Variants in TMEM135 observed in about 807,000 individuals in gnomAD.
The protein encoded by TMEM135 is transmembrane protein 135, also known as peroxisomal membrane protein 52.
A neutral mutation model predicts 60.3 loss-of-function variants in TMEM135; 30 were observed. The observed-to-expected ratio is 0.50, with a 90% confidence interval of 0.37 to 0.68. The LOEUF (loss-of-function observed/expected upper bound fraction) is 0.68. Ranked by LOEUF, TMEM135 falls within the 30% of genes least tolerant of loss-of-function variation. The pLI, the probability that TMEM135 is intolerant of heterozygous loss-of-function variation, is 0.00. For missense variants in TMEM135, 468 were observed against 548.8 expected (o/e 0.85, Z 1.47); for synonymous variants, 190 against 186.7 (o/e 1.02, Z -0.14).
chr11:87,316,719 A>G (rs1042644184), intron 12 of TMEM135, among the ~76,000 whole-genome samples: 3 of 152,040 alleles, frequency 2.0e-5, no homozygotes, highest in African/African-American at 7.2e-5. Context: ...TCTTTAACAC[A>G]AGAGGAAACC....
chr11:87,061,197 A>G (rs1330603205), intron 1 of TMEM135, among the ~76,000 whole-genome samples: 2 of 152,222 alleles, frequency 1.3e-5, no homozygotes, highest in Non-Finnish European at 2.9e-5. Context: ...TTCAAAATAT[A>G]TAAATTCATT....
chr11:87,073,993 T>C (rs892843879), intron 3 of TMEM135, among the ~76,000 whole-genome samples: 3 of 151,824 alleles, frequency 2.0e-5, no homozygotes, highest in Non-Finnish European at 2.9e-5. Context: ...TGGGACAGAG[T>C]CTCACTCCGT....
intron 12 of TMEM135, among the ~76,000 whole-genome samples, chr11:87,317,771 C>T (rs1324690439): frequency 6.6e-6 from 1 of 151,880 alleles, no homozygotes; most frequent in Non-Finnish European, 1.5e-5. Flanking sequence ...AGAATAGTGC[C>T]CGGCGTGTAG....
intron 4 of TMEM135, among the ~76,000 whole-genome samples, chr11:87,112,159 A>G (rs920373291): frequency 6.6e-6 from 1 of 152,188 alleles, no homozygotes; most frequent in Non-Finnish European, 1.5e-5. Flanking sequence ...AAAATTTAGC[A>G]CTACTATGAC....
At chr11:87,104,169 G>A (rs542843785) in intron 4 of TMEM135, among the ~76,000 whole-genome samples, 2 of 152,124 alleles carry the variant, frequency 1.3e-5, no homozygotes, top group East Asian at 1.9e-4. Context: ...TTTTCCTAAC[G>A]CCGTTTATTG....
intron 4 of TMEM135, among the ~76,000 whole-genome samples, chr11:87,145,181 G>A (rs1384941351): frequency 6.6e-6 from 1 of 152,122 alleles, no homozygotes; most frequent in African/African-American, 2.4e-5. Flanking sequence ...GAGAACATGT[G>A]ATATTTGTCT....
intron 1 of TMEM135, among the ~76,000 whole-genome samples, chr11:87,045,798 G>A (rs1326023676): frequency 6.6e-6 from 1 of 152,122 alleles, no homozygotes; most frequent in Non-Finnish European, 1.5e-5. Context: ...GAAATATATG[G>A]TGAAGGGGAG....
At chr11:87,304,969 C>G (rs1373462622) in intron 8 of TMEM135, among the ~76,000 whole-genome samples, 1 of 152,164 alleles carries the variant, frequency 6.6e-6, no homozygotes, top group Non-Finnish European at 1.5e-5. Flanking sequence ...GCATCCTGAA[C>G]AGTAGTCCTC....
rs1590876369 is a variant in TMEM135, at chr11:87,327,501, G to A, written c.*6168G>A. 4.4e-6 allele frequency: 2 copies of A among 453,756 alleles called. No homozygotes were observed. Among genetic ancestry groups the A allele is most frequent in the East Asian group, 1.4e-4 (2 of 14,396 alleles). The allele number at this position is 453,756 out of a possible 1,614,324, so 28.1% of individuals were successfully genotyped here. ...TGTATCAGTCAGGGTTTCCCAGAGA[G>A]GCAGAACAATAGGGATAGAGAGATA... On this transcript the variant is annotated 3_prime_UTR_variant, in exon 15 of 15. Coordinates refer to ENST00000305494, the MANE Select transcript of TMEM135 (RefSeq NM_022918.4).
intron 3 of TMEM135, among the ~76,000 whole-genome samples, chr11:87,081,124 G>T (rs1856983912): frequency 6.6e-6 from 1 of 150,712 alleles, no homozygotes; most frequent in African/African-American, 2.4e-5. Context: ...TATACAGTGG[G>T]GTCTTATTTT....
chr11:87,210,639 G>C (rs995964136), intron 5 of TMEM135, among the ~76,000 whole-genome samples: 6 of 152,086 alleles, frequency 3.9e-5, no homozygotes, highest in African/African-American at 1.4e-4. Context: ...AATCAAGGAG[G>C]GGGGACTCCT....
At chr11:87,198,365 T>C (rs1391258850) in intron 5 of TMEM135, among the ~76,000 whole-genome samples, 2 of 152,188 alleles carry the variant, frequency 1.3e-5, no homozygotes, top group East Asian at 3.8e-4. Context: ...TTGGAAACCC[T>C]TCAAAACCCT....
At chr11:87,176,139 A>G (rs966185937) in intron 5 of TMEM135, among the ~76,000 whole-genome samples, 2 of 152,058 alleles carry the variant, frequency 1.3e-5, no homozygotes, top group African/African-American at 4.8e-5. Context: ...GTGGGGCCTA[A>G]TGGGAGGTGT....
At chr11:87,236,020 A>G (rs1308821982) in intron 5 of TMEM135, among the ~76,000 whole-genome samples, 1 of 151,940 alleles carries the variant, frequency 6.6e-6, no homozygotes, top group Non-Finnish European at 1.5e-5. Flanking sequence ...TTCATATCAT[A>G]GTTAATAACC....
At chr11:87,185,997 C>G (rs1939643873) in intron 5 of TMEM135, among the ~76,000 whole-genome samples, 3 of 151,454 alleles carry the variant, frequency 2.0e-5, no homozygotes, top group Non-Finnish European at 4.4e-5. Flanking sequence ...ACATTTGTCT[C>G]CCAGGTTCAA....
At chr11:87,071,400 G>A (rs1856771027) in intron 2 of TMEM135, 123 bp from the exon 3 acceptor site, 4 of 732,596 alleles carry the variant, frequency 5.5e-6, no homozygotes, top group Non-Finnish European at 9.6e-6. Flanking sequence ...TTTTGAATAT[G>A]TTTATTTTGA....
At chr11:87,127,432 G>A (rs1395971979) in intron 4 of TMEM135, among the ~76,000 whole-genome samples, 1 of 152,126 alleles carries the variant, frequency 6.6e-6, no homozygotes, top group Non-Finnish European at 1.5e-5. Flanking sequence ...TTAGTATCTG[G>A]AACGTCACTT....
chr11:87,213,001 A>G (rs796255621), intron 5 of TMEM135, among the ~76,000 whole-genome samples: 22 of 152,246 alleles, frequency 1.4e-4, no homozygotes, highest in African/African-American at 5.3e-4. Context: ...TCATACTTTA[A>G]CTCATCTTTC....
chr11:87,287,608 C>A (rs772551438), intron 6 of TMEM135, among the ~76,000 whole-genome samples: 3 of 152,132 alleles, frequency 2.0e-5, no homozygotes, highest in Non-Finnish European at 4.4e-5. Flanking sequence ...ACCCAGGAGG[C>A]GGAGATTGCA....
Sources: allele counts gnomAD v4.1 joint callset (sites outside exome capture counted in the v4.1 genomes callset), GRCh38; gene constraint gnomAD v4.1.1; transcripts MANE v1.5; gene names NCBI Gene and HGNC (gene_info 2026-07-23, HGNC 2026-07-21).